ACOT11: variants seen among roughly 807,000 people sequenced by gnomAD.
ACOT11 encodes acyl-CoA thioesterase 11.
ACOT11 carries 69 observed loss-of-function variants against 77.5 expected under a neutral mutation model. The observed-to-expected ratio is 0.89, with a 90% CI of 0.73 to 1.09. The LOEUF (loss-of-function observed/expected upper bound fraction) is 1.09. ACOT11 is among the 50% of genes least tolerant of loss of function. The pLI, the probability that ACOT11 is intolerant of heterozygous loss-of-function variation, is 0.00. For synonymous variants in ACOT11, 279 were observed against 313.0 expected (o/e 0.89, Z 1.15); for missense variants, 766 against 813.7 (o/e 0.94, Z 0.71).
At chr1:54,558,154 C>T (rs1052850960) in intron 1 of ACOT11, among the ~76,000 whole-genome samples, 7 of 152,126 alleles carry the variant, frequency 4.6e-5, no homozygotes, top group African/African-American at 1.7e-4. Context: ...TAACAGTTAG[C>T]CAGTGCTGGG....
chr1:54,551,065 AG>A (rs941384966), intron 1 of ACOT11, among the ~76,000 whole-genome samples: 2 of 146,934 alleles, frequency 1.4e-5, no homozygotes, highest in African/African-American at 5.0e-5. Context: ...GCTTGAACCC[AG>A]GAGGCAGAGG....
chr1:54,617,709 ATTTTTTTTTTTTTTTT>A (rs56229276), intron 15 of ACOT11, among the ~76,000 whole-genome samples: 15 of 55,766 alleles, frequency 2.7e-4, no homozygotes, highest in South Asian at 2.2e-3. Flanking sequence ...AGGGCCTGAG[ATTTTTTTTTTTTTTTT>A]TTTTTTTTTT....
intron 8 of ACOT11, among the ~76,000 whole-genome samples, chr1:54,600,575 C>G (rs1643949446): frequency 6.6e-6 from 1 of 152,152 alleles, no homozygotes. Flanking sequence ...CCCAGCTACT[C>G]AGGAGGCTGA....
downstream of ACOT11, among the ~76,000 whole-genome samples, chr1:54,613,648 C>T (rs998736264): frequency 6.6e-5 from 10 of 152,120 alleles, no homozygotes; most frequent in South Asian, 2.1e-4. Context: ...TTGTACTTTT[C>T]TTCTTCAAAA....
chr1:54,554,122 G>A (rs964732507), intron 1 of ACOT11, among the ~76,000 whole-genome samples: 1 of 151,018 alleles, frequency 6.6e-6, no homozygotes, highest in African/African-American at 2.4e-5. Context: ...GCTGTGAGCT[G>A]AAGTTATTGC....
rs201988240 is a variant in ACOT11, at chr1:54,609,078, G to C, written c.1751G>C (p.Arg584Pro). 1.9e-6 allele frequency: 3 copies of C among 1,614,100 alleles called. No individual in the cohort carries two copies. The highest frequency in any genetic ancestry group is 2.5e-6 in the Non-Finnish European group (3 of 1,180,012). ...TGTGAGCAGTTTCTCTTGGACAACC[G>C]GAATGATCTGGCCCCCAGCCTCCAG... ...KACEQFLLDN[R>P]NDLAPSLQTL Residue 584 changes from arginine to proline, a missense_variant, in exon 16 of 16, where the codon CGG (arginine) becomes CCG (proline). Transcript: ENST00000343744.
At chr1:54,637,787 A>G (rs1644339319) in exon 17 of ACOT11, 1 of 152,128 alleles carries the variant, frequency 6.6e-6, no homozygotes, top group Non-Finnish European at 1.5e-5. Context: ...ACTCTGCCTC[A>G]AAAAAAGAAG....
At chr1:54,633,862 A>T (rs1013967510) in intron 16 of ACOT11, among the ~76,000 whole-genome samples, 1 of 152,226 alleles carries the variant, frequency 6.6e-6, no homozygotes, top group Non-Finnish European at 1.5e-5. Context: ...CAGAGTTACA[A>T]CTGATTGAGA....
chr1:54,601,195 G>A (rs931205649), intron 8 of ACOT11, 74 bp from the exon 9 acceptor site: 1 of 1,541,214 alleles, frequency 6.5e-7, no homozygotes, highest in Non-Finnish European at 8.8e-7. Flanking sequence ...GTGTGTGTGA[G>A]TGTGTGTGTT....
intron 10 of ACOT11, 36 bp from the exon 11 acceptor site, chr1:54,603,835 C>G: frequency 6.2e-7 from 1 of 1,606,272 alleles, no homozygotes; most frequent in Non-Finnish European, 8.5e-7. Context: ...GCTGAACTTC[C>G]AGGGGACCAA....
intron 15 of ACOT11, chr1:54,619,791 G>A (rs1644210700): frequency 4.0e-6 from 6 of 1,506,670 alleles, no homozygotes; most frequent in Non-Finnish European, 5.5e-6. Context: ...ACCAGTGTCT[G>A]ATCCTCACTT....
chr1:54,568,588 T>C (rs1653823920), intron 1 of ACOT11, among the ~76,000 whole-genome samples: 1 of 151,986 alleles, frequency 6.6e-6, no homozygotes, highest in Non-Finnish European at 1.5e-5. Context: ...GGTCTCCAGC[T>C]CCCAACCTCA....
At chr1:54,620,226 G>C (rs748247290) in intron 15 of ACOT11, among the ~76,000 whole-genome samples, 5 of 152,220 alleles carry the variant, frequency 3.3e-5, no homozygotes, top group African/African-American at 4.8e-5. Flanking sequence ...AGTCAGGAAA[G>C]GGGGCAGGTT....
At chr1:54,634,759 GA>G (rs1476027600) in exon 17 of ACOT11, 2 of 701,262 alleles carry the variant, frequency 2.9e-6, no homozygotes, top group African/African-American at 3.5e-5. Flanking sequence ...TGCCAAGGAA[GA>G]GACTCTGGGA....
chr1:54,565,358 G>T (rs1653700022), intron 1 of ACOT11, among the ~76,000 whole-genome samples: 2 of 152,146 alleles, frequency 1.3e-5, no homozygotes, highest in African/African-American at 4.8e-5. Context: ...GTGCTGGGAG[G>T]CAACTGATAA....
At position 54,609,478 on chromosome 1, in the gene ACOT11, C is replaced by T. The variant is rs1464465269; in HGVS notation, c.*366C>T. 1 of 1,613,456 alleles carries T rather than the reference C, an allele frequency of 6.2e-7. No homozygotes were observed. On this transcript the variant is annotated 3_prime_UTR_variant, in exon 16 of 16. Transcript: ENST00000343744. The stretch of plus-strand genomic sequence containing the variant: ...TGGCTCCAGCTGTGCTGTGGCCCAG[C>T]AGCATGGCCTGCATCTGGAAGGACA...
chr1:54,601,341 C>CT lies in ACOT11; in HGVS notation c.960dup (p.Met321TyrfsTer10). 1 of 1,613,806 alleles carries CT rather than the reference C, an allele frequency of 6.2e-7. No individual in the cohort carries two copies. The highest frequency in any genetic ancestry group is 8.5e-7 in the Non-Finnish European group (1 of 1,180,024). ...CCCACCGGCGCCACATCAACAGTGC[C>CT]TTTATGACCTTTGTGGTCCTGGACG... On this transcript the variant is annotated frameshift_variant, in exon 9 of 16. Coordinates refer to ENST00000343744, the MANE Select transcript of ACOT11 (RefSeq NM_147161.4). LOFTEE classifies it high-confidence loss of function.
intron 3 of ACOT11, among the ~76,000 whole-genome samples, 171 bp from the exon 4 acceptor site, chr1:54,592,375 A>G (rs2100988346): frequency 6.6e-6 from 1 of 152,292 alleles, no homozygotes; most frequent in South Asian, 2.1e-4. Context: ...TGCTGACACT[A>G]TCTTGCTAGC....
intron 3 of ACOT11, among the ~76,000 whole-genome samples, chr1:54,590,074 C>T (rs1221003093): frequency 6.7e-6 from 1 of 149,404 alleles, no homozygotes; most frequent in African/African-American, 2.5e-5. Flanking sequence ...GGCAATAGAG[C>T]GAGACTCTGT....
Sources: gnomAD v4.1 joint callset for allele counts (sites outside exome capture counted in the v4.1 genomes callset) on GRCh38, gnomAD v4.1.1 for gene constraint, MANE v1.5 for transcripts, NCBI Gene and HGNC (gene_info 2026-07-23, HGNC 2026-07-21) for gene names.